The following ATXN1 variants were observed in gnomAD, a reference collection of about 807,000 sequenced individuals.
ATXN1 encodes ataxin 1, also known as ataxin-1.
ATXN1 carries 8 observed loss-of-function variants against 56.4 expected under a neutral mutation model. That is an observed-to-expected ratio of 0.14 (90% CI 0.08 to 0.26). The LOEUF is 0.26. ATXN1 is among the 10% of genes least tolerant of loss of function. The pLI, the probability that ATXN1 is intolerant of heterozygous loss-of-function variation, is 1.00. For missense variants in ATXN1, 987 were observed against 1,106.5 expected (o/e 0.89, Z 1.53); for synonymous variants, 514 against 494.6 (o/e 1.04, Z -0.52).
At chr6:16,471,688 C>CGT (rs70999327) in intron 6 of ATXN1, among the ~76,000 whole-genome samples, 4,791 of 149,368 alleles carry the variant, frequency 0.032, 135 homozygotes, top group South Asian at 0.092. Flanking sequence ...TGCATGCATG[C>CGT]GTGTGTGTGT....
chr6:16,627,020 A>G (rs1406475886), intron 3 of ATXN1, among the ~76,000 whole-genome samples: 3 of 152,148 alleles, frequency 2.0e-5, no homozygotes, highest in Admixed American at 1.3e-4. Context: ...GTTATGGTAG[A>G]CCTCGCAAAC....
intron 6 of ATXN1, among the ~76,000 whole-genome samples, chr6:16,347,937 C>A (rs960938109): frequency 6.6e-6 from 1 of 152,204 alleles, no homozygotes; most frequent in African/African-American, 2.4e-5. Flanking sequence ...TCTATACTGC[C>A]TGTATGAGCT....
intron 6 of ATXN1, among the ~76,000 whole-genome samples, chr6:16,399,274 T>A (rs560824508): frequency 6.6e-6 from 1 of 152,162 alleles, no homozygotes; most frequent in South Asian, 2.1e-4. Flanking sequence ...GATGATGGAG[T>A]TTCCATTTTA....
intron 4 of ATXN1, among the ~76,000 whole-genome samples, chr6:16,553,641 A>C (rs1761960961): frequency 6.6e-6 from 1 of 152,214 alleles, no homozygotes; most frequent in Admixed American, 6.5e-5. Context: ...GATTGAAAAT[A>C]GAATCCGTGG....
chr6:16,433,947 C>T (rs929252937), intron 6 of ATXN1, among the ~76,000 whole-genome samples: 8 of 152,248 alleles, frequency 5.3e-5, no homozygotes, highest in African/African-American at 1.9e-4. Flanking sequence ...AAACTTACAA[C>T]AAGCACTCAG....
intron 1 of ATXN1, among the ~76,000 whole-genome samples, chr6:16,756,807 C>CT (rs1760901543): frequency 6.6e-6 from 1 of 152,186 alleles, no homozygotes; most frequent in African/African-American, 2.4e-5. Flanking sequence ...CATTTACCTA[C>CT]TTACGTGAGT....
At chr6:16,478,648 C>T (rs76673595) in intron 6 of ATXN1, among the ~76,000 whole-genome samples, 1,749 of 152,230 alleles carry the variant, frequency 0.011, 9 homozygotes, top group African/African-American at 0.02. Flanking sequence ...ATGCTTATAA[C>T]GGGTAGCAAC....
chr6:16,438,571 C>T (rs1392065167), intron 6 of ATXN1, among the ~76,000 whole-genome samples: 2 of 152,188 alleles, frequency 1.3e-5, no homozygotes, highest in Admixed American at 1.3e-4. Context: ...AAGTCCTACA[C>T]CTCATCTCTA....
At position 16,306,204 on chromosome 6, in the gene ATXN1, A is replaced by C. The variant is rs1231609760; in HGVS notation, c.*125T>G. 19 of 1,200,832 alleles carry C rather than the reference A, an allele frequency of 1.6e-5. No homozygotes were observed. Among genetic ancestry groups the C allele is most frequent in the Non-Finnish European group, 2.0e-5 (17 of 864,502 alleles). 74.4% of individuals were successfully genotyped at this position (1,200,832 alleles called of 1,614,324 possible). On this transcript the variant is annotated 3_prime_UTR_variant, in exon 8 of 8. Coordinates refer to ENST00000436367, the MANE Select transcript of ATXN1 (RefSeq NM_001128164.2). This position sits in a 1 kb window ranked among gnomAD's most constrained non-coding sequence, Gnocchi z 5.2. ...CACACCTGCTGTAACTCTAATGACA[A>C]GGTTAGAACAGAAACCTAAAATTAA...
At chr6:16,368,056 G>C (rs1298790808) in intron 6 of ATXN1, among the ~76,000 whole-genome samples, 1 of 151,988 alleles carries the variant, frequency 6.6e-6, no homozygotes, top group Non-Finnish European at 1.5e-5. Flanking sequence ...TGTAGTCCCA[G>C]TTACTCGGGA....
At chr6:16,681,584 C>G (rs1235325011) in intron 2 of ATXN1, among the ~76,000 whole-genome samples, 2 of 152,256 alleles carry the variant, frequency 1.3e-5, no homozygotes, top group African/African-American at 4.8e-5. Context: ...AACTTCAATA[C>G]ATCAAAGACG....
At chr6:16,479,068 C>A (rs989706117) in intron 6 of ATXN1, among the ~76,000 whole-genome samples, 1 of 152,024 alleles carries the variant, frequency 6.6e-6, no homozygotes, top group East Asian at 1.9e-4. Flanking sequence ...GGTTAAGAGT[C>A]CAAAGAGCAT....
At chr6:16,451,710 G>A (rs1040690783) in intron 6 of ATXN1, among the ~76,000 whole-genome samples, 7 of 151,742 alleles carry the variant, frequency 4.6e-5, no homozygotes, top group Admixed American at 6.6e-5. Context: ...AGCCAAGATC[G>A]TGCCATTGCT....
At chr6:16,721,207 C>T (rs529257363) in intron 2 of ATXN1, among the ~76,000 whole-genome samples, 1 of 152,352 alleles carries the variant, frequency 6.6e-6, no homozygotes, top group Admixed American at 6.5e-5. Flanking sequence ...ATTTCTAATA[C>T]AGATAAAAAT....
Position 16,407,283 on chromosome 6 carries a change from A to G in ATXN1, c.-161+78689T>C, listed in dbSNP as rs528097775. 8.9e-4 allele frequency among the ~76,000 whole-genome samples: 136 copies of G among 152,338 alleles called. 1 individual carries two copies. The highest frequency in any genetic ancestry group is 3.2e-3 in the African/African-American group (132 of 41,586). On this transcript the variant is annotated intron_variant, in intron 6 of 7. Transcript: ENST00000436367. ...AACAAATACATTATTAAATTTTTTA[A>G]ATGTTCTCCTCTAAGGATATGCCTT...
At chr6:16,602,930 A>T (rs530322050) in intron 3 of ATXN1, among the ~76,000 whole-genome samples, 1 of 152,220 alleles carries the variant, frequency 6.6e-6, no homozygotes, top group South Asian at 2.1e-4. Flanking sequence ...CTCATTTACA[A>T]AACAGGAATT....
intron 5 of ATXN1, among the ~76,000 whole-genome samples, chr6:16,501,029 T>G (rs1241553096): frequency 6.6e-6 from 1 of 152,218 alleles, no homozygotes; most frequent in Admixed American, 6.5e-5. Flanking sequence ...TGGTAGAAAT[T>G]GGGAAGTGAG....
At chr6:16,346,932 G>A (rs1761412131) in intron 6 of ATXN1, among the ~76,000 whole-genome samples, 1 of 152,232 alleles carries the variant, frequency 6.6e-6, no homozygotes, top group Non-Finnish European at 1.5e-5. Flanking sequence ...GTGGGCCAGC[G>A]CGCGTTCCAG....
In ATXN1 at chr6:16,577,110, A is replaced by T. The variant is rs956879070; in HGVS notation, c.-361+8670T>A. ...TTACTCTTGTCCCCAGACCACAGAC[A>T]CACCCCGCTTTTCTCTGCCCAGACC... On this transcript the variant is annotated intron_variant, in intron 4 of 7. Coordinates refer to ENST00000436367, the MANE Select transcript of ATXN1 (RefSeq NM_001128164.2). Among the ~76,000 whole-genome samples, 3 of 152,180 alleles carry T rather than the reference A, an allele frequency of 2.0e-5. No homozygotes were observed. The East Asian group carries it at 5.8e-4, about 29-fold the overall frequency.
Sources: allele counts gnomAD v4.1 joint callset (sites outside exome capture counted in the v4.1 genomes callset), GRCh38; gene constraint gnomAD v4.1.1; non-coding constraint Gnocchi (gnomAD v3.1); transcripts MANE v1.5; gene names NCBI Gene and HGNC (gene_info 2026-07-23, HGNC 2026-07-21).